DCDC1: variants seen among roughly 807,000 people sequenced by gnomAD.
The protein encoded by DCDC1 is doublecortin domain-containing protein 1.
In DCDC1, 200 loss-of-function variants were observed where a neutral mutation model predicts 178.3. That is an observed-to-expected ratio of 1.12 (90% CI 1.00 to 1.26). DCDC1 has a LOEUF of 1.26. DCDC1 is among the 50% of genes most tolerant of loss of function. The probability of loss-of-function intolerance (pLI) is 0.00; values close to 1 mark genes in which losing one functional copy is unlikely to be tolerated. For synonymous variants in DCDC1, 690 were observed against 604.8 expected (o/e 1.14, Z -2.07); for missense variants, 1,983 against 1,749.2 (o/e 1.13, Z -2.38).
intron 13 of DCDC1, among the ~76,000 whole-genome samples, chr11:31,104,478 A>C (rs1958724987): frequency 6.6e-6 from 1 of 152,134 alleles, no homozygotes; most frequent in African/African-American, 2.4e-5. Flanking sequence ...TGGACTCTTG[A>C]AAAATAAATT....
chr11:30,998,392 T>C (rs1314874429), intron 20 of DCDC1, among the ~76,000 whole-genome samples: 1 of 152,140 alleles, frequency 6.6e-6, no homozygotes, highest in Non-Finnish European at 1.5e-5. Context: ...CAATGGCTAA[T>C]GCTGAAACAA....
chr11:31,277,965 A>G (rs756547971), intron 7 of DCDC1, among the ~76,000 whole-genome samples: 2 of 152,104 alleles, frequency 1.3e-5, no homozygotes, highest in African/African-American at 2.4e-5. Context: ...CCTAAGAAAT[A>G]TTTGCCTACC....
chr11:31,341,386 G>GATAC, intron 1 of DCDC1, among the ~76,000 whole-genome samples: 1 of 30,618 alleles, frequency 3.3e-5, no homozygotes, highest in Non-Finnish European at 7.8e-5. Flanking sequence ...CAGTTTTATA[G>GATAC]ATAGATAGAT....
Position 31,272,255 on chromosome 11 carries a change from C to A in DCDC1, c.961-6655G>T, listed in dbSNP as rs145864928. ...CCTGCCACCATGACTCAATTACCTC[C>A]CATCAGGTCCCTCCCACAACATATG... On this transcript the variant is annotated intron_variant, in intron 7 of 38. Transcript: ENST00000684477. Among the ~76,000 whole-genome samples the A allele has an allele frequency of 2.6e-5, 4 of 152,066 alleles. No individual in the cohort carries two copies. The East Asian group carries it at 7.7e-4, about 29-fold the overall frequency.
chr11:31,265,661 A>C (rs1591584485), intron 7 of DCDC1, 61 bp from the exon 8 acceptor site: 1 of 782,492 alleles, frequency 1.3e-6, no homozygotes, highest in East Asian at 3.4e-5. Flanking sequence ...ATACACATTT[A>C]AACTCTTTTC....
intron 1 of DCDC1, among the ~76,000 whole-genome samples, chr11:31,346,132 T>C (rs1950799456): frequency 6.6e-6 from 1 of 152,188 alleles, no homozygotes; most frequent in Non-Finnish European, 1.5e-5. Flanking sequence ...CTAGGGTTTT[T>C]TCTCATAAGT....
intron 9 of DCDC1, among the ~76,000 whole-genome samples, chr11:31,159,256 A>G (rs1966066632): frequency 6.6e-6 from 1 of 152,202 alleles, no homozygotes; most frequent in African/African-American, 2.4e-5. Context: ...TAGATTACCA[A>G]AATAGCTGCT....
At chr11:31,096,149 G>C (rs902599308) in intron 15 of DCDC1, among the ~76,000 whole-genome samples, 8 of 152,116 alleles carry the variant, frequency 5.3e-5, no homozygotes, top group African/African-American at 1.9e-4. Context: ...CTTCTCAAGA[G>C]AAGAAAACGT....
intron 1 of DCDC1, among the ~76,000 whole-genome samples, chr11:31,359,901 A>C (rs1951620476): frequency 6.6e-6 from 1 of 152,162 alleles, no homozygotes; most frequent in African/African-American, 2.4e-5. Context: ...AACTCAACTG[A>C]CTTGGGTTTG....
intron 18 of DCDC1, among the ~76,000 whole-genome samples, chr11:31,069,553 A>G (rs193029722): frequency 6.6e-6 from 1 of 152,312 alleles, no homozygotes; most frequent in Admixed American, 6.5e-5. Context: ...AGAGAAAACA[A>G]TACCAAATAT....
At position 30,867,950 on chromosome 11, in the gene DCDC1, A is replaced by C. The variant is rs147500050; in HGVS notation, c.*41-2618T>G. Among the ~76,000 whole-genome samples, 864 of 152,310 alleles carry C rather than the reference A, an allele frequency of 5.7e-3. 12 individuals carry two copies. The highest frequency in any genetic ancestry group is 0.02 in the African/African-American group (825 of 41,572). ...TTATATGGTCCCTCGGCCAGTCAGC[A>C]TCAAGTTGGATGATCTCATGAGTCC... On this transcript the variant is annotated intron_variant, in intron 38 of 38. Coordinates refer to ENST00000684477, the MANE Select transcript of DCDC1 (RefSeq NM_001387274.1).
intron 3 of DCDC1, among the ~76,000 whole-genome samples, chr11:31,316,107 A>G (rs1209708621): frequency 1.1e-5 from 1 of 94,332 alleles, no homozygotes; most frequent in East Asian, 2.3e-4. Context: ...TAGTGCCGCA[A>G]TAAACATACG....
At chr11:30,906,438 G>T in intron 30 of DCDC1, 102 bp downstream of exon 30, 3 of 1,166,194 alleles carry the variant, frequency 2.6e-6, no homozygotes, top group Non-Finnish European at 3.6e-6. Context: ...AAGATGAATT[G>T]GATGAGTGGA....
intron 9 of DCDC1, among the ~76,000 whole-genome samples, chr11:31,240,102 A>G (rs986880719): frequency 2.6e-5 from 4 of 151,934 alleles, no homozygotes; most frequent in African/African-American, 9.7e-5. Context: ...AATAATTTTA[A>G]ATTTCAATAA....
intron 20 of DCDC1, among the ~76,000 whole-genome samples, chr11:30,953,658 G>GTTTTTTGGACTGAAAAAATCC (rs1369677379): frequency 6.6e-6 from 1 of 152,092 alleles, no homozygotes; most frequent in Admixed American, 6.6e-5. Context: ...GTCCAAAGAA[G>GTTTTTTGGACTGAAAAAATCC]TGTTTTTCAG....
chr11:31,255,005 C>A (rs1043380023), intron 8 of DCDC1, among the ~76,000 whole-genome samples: 3 of 152,080 alleles, frequency 2.0e-5, no homozygotes, highest in East Asian at 1.9e-4. Context: ...TGGATTTATT[C>A]GCTCTGGATG....
At chr11:30,871,845 G>A (rs1941600573) in intron 38 of DCDC1, among the ~76,000 whole-genome samples, 1 of 151,568 alleles carries the variant, frequency 6.6e-6, no homozygotes, top group Admixed American at 6.6e-5. Context: ...TACACTTAGT[G>A]TATTAAGTAC....
intron 9 of DCDC1, among the ~76,000 whole-genome samples, chr11:31,214,566 A>G (rs921545352): frequency 1.3e-5 from 2 of 152,146 alleles, no homozygotes; most frequent in African/African-American, 4.8e-5. Context: ...CATTATGCAG[A>G]TTAGAAAGAG....
intron 20 of DCDC1, among the ~76,000 whole-genome samples, chr11:30,958,479 T>C (rs1948897481): frequency 6.6e-6 from 1 of 152,108 alleles, no homozygotes; most frequent in Non-Finnish European, 1.5e-5. Context: ...CTGTCTTACA[T>C]TGTACATTAT....
Sources: gnomAD v4.1 joint callset for allele counts (sites outside exome capture counted in the v4.1 genomes callset) on GRCh38, gnomAD v4.1.1 for gene constraint, MANE v1.5 for transcripts, NCBI Gene and HGNC (gene_info 2026-07-23, HGNC 2026-07-21) for gene names.